NIPBL: variants seen among roughly 807,000 people sequenced by gnomAD.
NIPBL encodes NIPBL cohesin loading factor, also known as nipped-B-like protein.
Under a neutral mutation model 321.8 loss-of-function variants are expected in NIPBL, and 19 were observed. That is an observed-to-expected ratio of 0.06 (90% CI 0.04 to 0.09). The LOEUF is 0.09. NIPBL is among the 10% of genes least tolerant of loss of function. The pLI is 1.00. For missense variants in NIPBL, 2,210 were observed against 3,327.0 expected (o/e 0.66, Z 8.26); for synonymous variants, 1,106 against 1,114.1 (o/e 0.99, Z 0.14).
Position 37,005,093 on chromosome 5 carries a change from C to T in NIPBL, c.3856-1264C>T, listed in dbSNP as rs375361534. Reference sequence around the variant, plus strand: ...ATTTTTTGCAATTTCTTTTTACGCTCATCAGCTATCGTAATTGTTAGTGTA... The same window carrying T: ...ATTTTTTGCAATTTCTTTTTACGCTTATCAGCTATCGTAATTGTTAGTGTA... On this transcript the variant is annotated intron_variant, in intron 16 of 46. Coordinates refer to ENST00000282516, the MANE Select transcript of NIPBL (RefSeq NM_133433.4). Among the ~76,000 whole-genome samples the T allele has an allele frequency of 9.9e-5, 15 of 152,160 alleles. No individual in the cohort carries two copies. The East Asian group carries it at 1.7e-3, about 18-fold the overall frequency.
intron 1 of NIPBL, among the ~76,000 whole-genome samples, chr5:36,892,051 T>C (rs1265506664): frequency 2.0e-5 from 3 of 152,134 alleles, no homozygotes; most frequent in Non-Finnish European, 4.4e-5. Flanking sequence ...CCTTTCACAT[T>C]TTAAAAGGAA....
chr5:36,969,903 G>A (rs1742663979), intron 6 of NIPBL, among the ~76,000 whole-genome samples: 1 of 152,084 alleles, frequency 6.6e-6, no homozygotes, highest in Non-Finnish European at 1.5e-5. Flanking sequence ...ATGCATATCT[G>A]GCAATTTCAC....
intron 9 of NIPBL, 93 bp downstream of exon 9, chr5:36,976,495 T>C (rs1743471918): frequency 8.0e-7 from 1 of 1,243,062 alleles, no homozygotes. Context: ...TTCCCGAATA[T>C]TTTGTATAAT....
At chr5:37,042,825 CAA>C (rs1216799676) in intron 34 of NIPBL, among the ~76,000 whole-genome samples, 2 of 85,968 alleles carry the variant, frequency 2.3e-5, no homozygotes, top group African/African-American at 4.4e-5. Flanking sequence ...GACTCCGTCT[CAA>C]AAAAAAAAAA....
chr5:37,013,502 C>T (rs1340860175), intron 21 of NIPBL, among the ~76,000 whole-genome samples: 2 of 150,382 alleles, frequency 1.3e-5, no homozygotes, highest in Admixed American at 1.3e-4. Flanking sequence ...GGGGCGGTTG[C>T]CAGGCAGAGG....
At chr5:37,033,277 A>G (rs1751274305) in intron 32 of NIPBL, among the ~76,000 whole-genome samples, 1 of 152,174 alleles carries the variant, frequency 6.6e-6, no homozygotes, top group African/African-American at 2.4e-5. Flanking sequence ...ATGTATATGG[A>G]AAAGCAGAGA....
At chr5:36,948,937 G>A (rs567540989) in intron 1 of NIPBL, among the ~76,000 whole-genome samples, 3 of 151,742 alleles carry the variant, frequency 2.0e-5, no homozygotes, top group South Asian at 2.1e-4. Flanking sequence ...CAATCAACCC[G>A]TAAAATAATA....
intron 1 of NIPBL, among the ~76,000 whole-genome samples, chr5:36,950,683 A>G (rs937826394): frequency 1.3e-5 from 2 of 152,118 alleles, no homozygotes; most frequent in Admixed American, 1.3e-4. Flanking sequence ...TCTTCTTTAC[A>G]GTTTGGTTGC....
chr5:37,054,647 G>A (rs560890104), intron 42 of NIPBL, among the ~76,000 whole-genome samples: 4 of 152,268 alleles, frequency 2.6e-5, no homozygotes, highest in African/African-American at 7.2e-5. Flanking sequence ...TGCTAAACTG[G>A]AAACCCAGCT....
chr5:36,923,317 C>CA lies in NIPBL; in HGVS notation c.-79-30296dup, dbSNP rs142362162. Among the ~76,000 whole-genome samples the CA allele has an allele frequency of 2.8e-3, 431 of 151,956 alleles. 2 individuals are homozygous for CA. Among genetic ancestry groups the CA allele is most frequent in the African/African-American group, 9.8e-3 (406 of 41,454 alleles). ...CGAGACTCCATCTCAAAACAAAAAA[C>CA]AAAAACAAACAACAACAAAAAAATG... is the stretch of plus-strand genomic sequence containing the variant. On this transcript the variant is annotated intron_variant, in intron 1 of 46. Transcript: ENST00000282516.
intron 1 of NIPBL, among the ~76,000 whole-genome samples, chr5:36,952,986 C>T (rs1367981459): frequency 6.6e-6 from 1 of 152,010 alleles, no homozygotes; most frequent in African/African-American, 2.4e-5. Flanking sequence ...ATCGTGGGAA[C>T]GTGCTTTGGA....
chr5:36,884,386 A>G (rs1313420550), intron 1 of NIPBL, among the ~76,000 whole-genome samples: 1 of 152,200 alleles, frequency 6.6e-6, no homozygotes, highest in Non-Finnish European at 1.5e-5. Flanking sequence ...GAAAATATAT[A>G]TTTGTGTATT....
At chr5:37,030,383 A>G (rs994444738) in intron 32 of NIPBL, among the ~76,000 whole-genome samples, 4 of 152,184 alleles carry the variant, frequency 2.6e-5, no homozygotes, top group Admixed American at 2.0e-4. Flanking sequence ...AAACTCATAT[A>G]TATATATATG....
intron 1 of NIPBL, among the ~76,000 whole-genome samples, chr5:36,889,371 A>G (rs1746150121): frequency 6.6e-6 from 1 of 152,116 alleles, no homozygotes; most frequent in African/African-American, 2.4e-5. Context: ...TAAAGAACTA[A>G]TTGTAGGCTT....
intron 6 of NIPBL, 105 bp downstream of exon 6, chr5:36,962,379 C>A: frequency 8.8e-7 from 1 of 1,139,502 alleles, no homozygotes; most frequent in Non-Finnish European, 1.3e-6. Context: ...AAATACTATA[C>A]TGTATACTTG....
At chr5:36,966,181 A>C (rs1180464639) in intron 6 of NIPBL, among the ~76,000 whole-genome samples, 1 of 152,078 alleles carries the variant, frequency 6.6e-6, no homozygotes, top group Admixed American at 6.5e-5. Flanking sequence ...CTTTTCACAC[A>C]TTGCATTTGA....
rs1305219350 is a variant in NIPBL, at chr5:36,958,202, A to C, written c.329A>C (p.Lys110Thr). 1 of 1,613,718 alleles carries C rather than the reference A, an allele frequency of 6.2e-7. No homozygotes were observed. Among genetic ancestry groups the C allele is most frequent in the Non-Finnish European group, 8.5e-7 (1 of 1,179,914 alleles). Residue 110 changes from lysine to threonine, a missense_variant, in exon 4 of 47, where the codon AAA becomes ACA. Physicochemically the swap from Lys to Thr is moderately conservative, Grantham distance 78. This residue lies in a region of NIPBL where 464 missense variants were observed against 529.5 expected (regional missense o/e 0.88). Transcript: ENST00000282516. Reference sequence around the variant, plus strand: ...AGGAGTCCTAATGTTTTCAGGGAGAAAAGCATGCAGAACAGATATGTACAA... The same window carrying C: ...AGGAGTCCTAATGTTTTCAGGGAGACAAGCATGCAGAACAGATATGTACAA... Reference protein sequence around the residue: ...LARSPNVFREKSMQNRYVQSG... With the variant: ...LARSPNVFRETSMQNRYVQSG...
At chr5:36,905,536 A>G (rs985638028) in intron 1 of NIPBL, among the ~76,000 whole-genome samples, 3 of 152,170 alleles carry the variant, frequency 2.0e-5, no homozygotes, top group African/African-American at 7.2e-5. Context: ...TCCTGAACCA[A>G]TCTTAATGAG....
At chr5:36,891,801 T>G (rs1236680266) in intron 1 of NIPBL, among the ~76,000 whole-genome samples, 5 of 152,124 alleles carry the variant, frequency 3.3e-5, no homozygotes, top group African/African-American at 1.2e-4. Flanking sequence ...GGCCAGTAGG[T>G]GTTGAGGTCC....
Sources: gnomAD v4.1 joint callset for allele counts (sites outside exome capture counted in the v4.1 genomes callset) on GRCh38, gnomAD v4.1.1 for gene constraint, gnomAD v4.1.1 regional missense constraint, MANE v1.5 for transcripts, NCBI Gene and HGNC (gene_info 2026-07-23, HGNC 2026-07-21) for gene names.